Variants in ANO2 observed in about 807,000 individuals in gnomAD.
The protein encoded by ANO2 is anoctamin-2.
In ANO2, 101 loss-of-function variants were observed where a neutral mutation model predicts 124.2. That is an observed-to-expected ratio of 0.81 (90% CI 0.69 to 0.96). ANO2 has a LOEUF of 0.96. Ranked by LOEUF, ANO2 falls within the 40% of genes least tolerant of loss-of-function variation. The pLI is 0.00. For synonymous variants in ANO2, 486 were observed against 482.5 expected (o/e 1.01, Z -0.09); for missense variants, 1,293 against 1,274.5 (o/e 1.01, Z -0.22).
intron 19 of ANO2, among the ~76,000 whole-genome samples, chr12:5,605,301 T>A (rs761742283): frequency 1.6e-4 from 24 of 152,248 alleles, no homozygotes; most frequent in Non-Finnish European, 3.4e-4. Flanking sequence ...CCCTCCCGTG[T>A]TGGCTTTAAA....
At chr12:5,688,258 G>A (rs1344276625) in intron 14 of ANO2, among the ~76,000 whole-genome samples, 1 of 152,218 alleles carries the variant, frequency 6.6e-6, no homozygotes, top group African/African-American at 2.4e-5. Context: ...AATGTGCAGT[G>A]CTTTGGGAAA....
In ANO2 at chr12:5,694,806, G is replaced by A. The variant is rs576411014; in HGVS notation, c.1545+37714C>T. 1.8e-3 allele frequency among the ~76,000 whole-genome samples: 273 copies of A among 152,204 alleles called. 2 individuals carry two copies. Among genetic ancestry groups the A allele is most frequent in the Middle Eastern group, 3.4e-3 (1 of 294 alleles). On this transcript the variant is annotated intron_variant, in intron 14 of 24. Transcript: ENST00000682330. ...CATGTGGGAGGCAGCATTGGTGGCA[G>A]GGCTGAGAGCATGGCCCTGGGTCAG...
At chr12:5,855,950 CA>C (rs1483245087) in intron 3 of ANO2, among the ~76,000 whole-genome samples, 2 of 152,188 alleles carry the variant, frequency 1.3e-5, no homozygotes, top group Non-Finnish European at 1.5e-5. Flanking sequence ...TTCCCAATCC[CA>C]AGTGTGACAT....
rs112604082 is a variant in ANO2 at position 5,637,145 on chromosome 12, T to A, written c.1621-1798A>T. On this transcript the variant is annotated intron_variant, in intron 15 of 24. Coordinates refer to ENST00000682330, the MANE Select transcript of ANO2 (RefSeq NM_001364791.2). ...CTACTATCGTGTAACTGGGAAAACC[T>A]GGACATGACATCACCCCTCTCCAAC... 3.0e-3 allele frequency among the ~76,000 whole-genome samples: 461 copies of A among 152,212 alleles called. 1 individual carries two copies. The highest frequency in any genetic ancestry group is 0.01 in the Middle Eastern group (3 of 294).
chr12:5,731,889 C>G (rs1404431753), intron 14 of ANO2, among the ~76,000 whole-genome samples: 4 of 152,110 alleles, frequency 2.6e-5, no homozygotes, highest in Admixed American at 2.6e-4. Flanking sequence ...GTATTTGCCA[C>G]TGCAGGCCCT....
intron 14 of ANO2, among the ~76,000 whole-genome samples, chr12:5,708,039 A>T (rs933168948): frequency 6.6e-6 from 1 of 152,174 alleles, no homozygotes; most frequent in Non-Finnish European, 1.5e-5. Context: ...AATTGAACTC[A>T]TTATCTTTCC....
rs115014511 is a variant in ANO2, at chr12:5,723,374, C to T, written c.1545+9146G>A. Among the ~76,000 whole-genome samples, 360 of 152,332 alleles carry T rather than the reference C, an allele frequency of 2.4e-3. 2 individuals carry two copies. The highest frequency in any genetic ancestry group is 8.4e-3 in the African/African-American group (348 of 41,568). On this transcript the variant is annotated intron_variant, in intron 14 of 24. Transcript: ENST00000682330. ...CAGGTGGAGCCTTGTGGCTGGTTTC[C>T]GCCAATGAGGGGAAGGGAGGCAGGA...
chr12:5,598,786 G>T (rs1943788489), intron 20 of ANO2, among the ~76,000 whole-genome samples: 2 of 152,192 alleles, frequency 1.3e-5, no homozygotes, highest in South Asian at 4.1e-4. Flanking sequence ...CAGTGCAAAG[G>T]CAGCTGGCCT....
chr12:5,877,683 T>C (rs1938201395), intron 3 of ANO2, among the ~76,000 whole-genome samples: 1 of 152,236 alleles, frequency 6.6e-6, no homozygotes, highest in South Asian at 2.1e-4. Context: ...CCCAACCTTT[T>C]TGGCACCAGG....
intron 3 of ANO2, among the ~76,000 whole-genome samples, chr12:5,902,236 G>A (rs1382124256): frequency 5.3e-5 from 8 of 152,066 alleles, no homozygotes; most frequent in Non-Finnish European, 8.8e-5. Flanking sequence ...AAAAACTCAC[G>A]ATAACAAGCT....
At chr12:5,839,590 T>C (rs769302208) in intron 4 of ANO2, 23 of 456,032 alleles carry the variant, frequency 5.0e-5, no homozygotes, top group South Asian at 1.5e-4. Context: ...GGCACAAGCA[T>C]CTCTGGGTAC....
At chr12:5,580,541 C>T (rs1393566061) in intron 20 of ANO2, among the ~76,000 whole-genome samples, 2 of 152,074 alleles carry the variant, frequency 1.3e-5, no homozygotes, top group African/African-American at 4.8e-5. Context: ...TTGAAGGGAC[C>T]GGTTTAAATT....
chr12:5,690,945 CAT>C (rs1224007559), intron 14 of ANO2, among the ~76,000 whole-genome samples: 6 of 152,226 alleles, frequency 3.9e-5, no homozygotes, highest in Admixed American at 1.3e-4. Flanking sequence ...TGCACTGACA[CAT>C]ATAGGGAGCA....
intron 4 of ANO2, among the ~76,000 whole-genome samples, chr12:5,852,456 A>T (rs1243932408): frequency 6.6e-6 from 1 of 152,148 alleles, no homozygotes; most frequent in Non-Finnish European, 1.5e-5. Flanking sequence ...TTTAATAAGC[A>T]TTTGTCCACC....
intron 15 of ANO2, among the ~76,000 whole-genome samples, chr12:5,639,081 C>T (rs1444771328): frequency 2.0e-5 from 3 of 152,070 alleles, no homozygotes; most frequent in South Asian, 2.1e-4. Flanking sequence ...TCAGAGAAAA[C>T]TCCACAGAAA....
intron 14 of ANO2, among the ~76,000 whole-genome samples, chr12:5,677,864 G>A (rs905250713): frequency 3.3e-5 from 5 of 152,132 alleles, no homozygotes; most frequent in East Asian, 1.9e-4. Context: ...TTCCTTAGAC[G>A]GCTCCCCTTC....
chr12:5,590,237 A>G (rs1268663352), intron 20 of ANO2, among the ~76,000 whole-genome samples: 1 of 152,256 alleles, frequency 6.6e-6, no homozygotes, highest in African/African-American at 2.4e-5. Flanking sequence ...ATCAGCTATC[A>G]TTAGTGTTAC....
chr12:5,850,777 G>C (rs1295393696), intron 4 of ANO2, among the ~76,000 whole-genome samples: 2 of 152,170 alleles, frequency 1.3e-5, no homozygotes, highest in East Asian at 1.9e-4. Context: ...TCTTACAGAG[G>C]GAGCACTATC....
intron 16 of ANO2, among the ~76,000 whole-genome samples, chr12:5,617,655 C>T (rs1944893961): frequency 6.6e-6 from 1 of 151,986 alleles, no homozygotes; most frequent in African/African-American, 2.4e-5. Flanking sequence ...CACAGTGTGC[C>T]ACCTTCTCCA....
Sources: gnomAD v4.1 joint callset for allele counts (sites outside exome capture counted in the v4.1 genomes callset) on GRCh38, gnomAD v4.1.1 for gene constraint, MANE v1.5 for transcripts, NCBI Gene and HGNC (gene_info 2026-07-23, HGNC 2026-07-21) for gene names.